GLIS3: variants seen among roughly 807,000 people sequenced by gnomAD.
GLIS3 encodes the protein GLIS family zinc finger 3.
A neutral mutation model predicts 78.6 loss-of-function variants in GLIS3; 53 were observed. The observed-to-expected ratio is 0.67, with a 90% CI of 0.54 to 0.85. GLIS3 has a LOEUF of 0.85. Ranked by LOEUF, GLIS3 falls within the 40% of genes least tolerant of loss-of-function variation. The probability of loss-of-function intolerance (pLI) is 0.00; values close to 1 mark genes in which losing one functional copy is unlikely to be tolerated. For missense variants in GLIS3, 1,703 were observed against 1,231.1 expected, an observed-to-expected ratio of 1.38 and a Z score of -5.74; for synonymous variants, 684 against 509.9, an observed-to-expected ratio of 1.34 and a Z score of -4.60.
chr9:4,209,334 G>A (rs56373513), intron 2 of GLIS3, among the ~76,000 whole-genome samples: 25,551 of 152,124 alleles, frequency 0.17, 2,661 homozygotes, highest in African/African-American at 0.29. Context: ...TTGATGCATA[G>A]GGTATCTGGG....
chr9:4,243,622 A>G (rs1823532048), intron 2 of GLIS3, among the ~76,000 whole-genome samples: 1 of 152,216 alleles, frequency 6.6e-6, no homozygotes. Context: ...AGAAAGATTT[A>G]ATAGCCATTT....
At chr9:4,236,986 G>T (rs1024275570) in intron 2 of GLIS3, among the ~76,000 whole-genome samples, 1 of 151,876 alleles carries the variant, frequency 6.6e-6, no homozygotes, top group Non-Finnish European at 1.5e-5. Context: ...CTAAATCTAG[G>T]GAATCCTTCA....
chr9:3,896,512 A>T (rs1458854589), intron 7 of GLIS3, among the ~76,000 whole-genome samples: 1 of 151,500 alleles, frequency 6.6e-6, no homozygotes, highest in Non-Finnish European at 1.5e-5. Flanking sequence ...TAAAAATACA[A>T]AAAACTACCC....
chr9:4,072,672 TTTTAA>T (rs1245349334), intron 4 of GLIS3, among the ~76,000 whole-genome samples: 1 of 152,180 alleles, frequency 6.6e-6, no homozygotes, highest in Non-Finnish European at 1.5e-5. Flanking sequence ...ATGAACTTTT[TTTTAA>T]TGACATCCTG....
At chr9:4,464,709 A>G in the GLIS3 span, among the ~76,000 whole-genome samples, 1 of 152,202 alleles carries the variant, frequency 6.6e-6, no homozygotes, top group Non-Finnish European at 1.5e-5. Flanking sequence ...ATTTTCTTTG[A>G]AAAGGCATTA....
At chr9:4,359,223 C>T in the GLIS3 span, among the ~76,000 whole-genome samples, 9 of 152,224 alleles carry the variant, frequency 5.9e-5, no homozygotes, top group Middle Eastern at 3.4e-3. Context: ...CCGAGATGAG[C>T]GCGTGTGAAT....
rs200576222 is a variant in GLIS3, at chr9:4,063,559, T to TA, written c.1710+54208dup. On this transcript the variant is annotated intron_variant, in intron 4 of 10. Transcript: ENST00000381971. The stretch of plus-strand genomic sequence containing the variant: ...GTAAGAGCCATGCAAGTTCATGATT[T>TA]AAAAAAAAAAAAATGGTGTTGTATT... Among the ~76,000 whole-genome samples, 444 of 144,248 alleles carry TA rather than the reference T, an allele frequency of 3.1e-3. 2 individuals carry two copies. The highest frequency in any genetic ancestry group is 5.6e-3 in the African/African-American group (221 of 39,552). 94.6% of individuals were successfully genotyped at this position (144,248 alleles called of 152,430 possible).
intron 2 of GLIS3, among the ~76,000 whole-genome samples, chr9:4,311,871 A>C (rs1563929084): frequency 6.6e-6 from 1 of 152,228 alleles, no homozygotes; most frequent in Non-Finnish European, 1.5e-5. Flanking sequence ...TACTTAAATG[A>C]TCAAGAAAAC....
At chr9:3,907,615 C>CACACAG (rs1430866483) in intron 6 of GLIS3, among the ~76,000 whole-genome samples, 2 of 82,324 alleles carry the variant, frequency 2.4e-5, no homozygotes, top group African/African-American at 7.4e-5. Flanking sequence ...AACACACACA[C>CACACAG]ACACACACAG....
chr9:4,074,542 G>C (rs925777945), intron 4 of GLIS3, among the ~76,000 whole-genome samples: 1 of 152,108 alleles, frequency 6.6e-6, no homozygotes, highest in African/African-American at 2.4e-5. Context: ...CAGATATAAA[G>C]ATTCTACCCA....
At chr9:3,834,831 C>G (rs1417256711) in intron 9 of GLIS3, among the ~76,000 whole-genome samples, 1 of 152,178 alleles carries the variant, frequency 6.6e-6, no homozygotes, top group African/African-American at 2.4e-5. Flanking sequence ...ATGTTTTAGG[C>G]TAAACTGCCA....
At chr9:4,481,772 G>A in the GLIS3 span, among the ~76,000 whole-genome samples, 2 of 152,128 alleles carry the variant, frequency 1.3e-5, no homozygotes, top group Admixed American at 6.6e-5. Flanking sequence ...GTTTCTAGAG[G>A]TAGAGTGTTT....
Position 4,048,435 on chromosome 9 carries a change from T to C in GLIS3, c.1710+69333A>G, listed in dbSNP as rs1825431807. Among the ~76,000 whole-genome samples, 3 of 152,142 alleles carry C rather than the reference T, an allele frequency of 2.0e-5. 1 individual carries two copies. Among genetic ancestry groups the C allele is most frequent in the South Asian group, 2.1e-4 (1 of 4,828 alleles). ...GCTGATATTATATGGGGCTATCATA[T>C]AGCCATGCCATGGCTCAGTATGTGC... On this transcript the variant is annotated intron_variant, in intron 4 of 10. Transcript: ENST00000381971.
At chr9:4,311,576 G>A (rs1030418521) in intron 2 of GLIS3, among the ~76,000 whole-genome samples, 2 of 152,016 alleles carry the variant, frequency 1.3e-5, no homozygotes, top group Non-Finnish European at 2.9e-5. Context: ...TCCCTCCCAA[G>A]CCAGAATAAC....
chr9:3,868,326 C>G (rs1213532092), intron 8 of GLIS3, among the ~76,000 whole-genome samples: 1 of 152,116 alleles, frequency 6.6e-6, no homozygotes, highest in Non-Finnish European at 1.5e-5. Flanking sequence ...GATTAGCTCT[C>G]TAATTTTCAG....
intron 4 of GLIS3, among the ~76,000 whole-genome samples, chr9:3,984,481 C>T (rs373117942): frequency 6.6e-6 from 1 of 152,220 alleles, no homozygotes; most frequent in Non-Finnish European, 1.5e-5. Context: ...CGGCCAATTT[C>T]TCCCATTTGG....
the GLIS3 span, among the ~76,000 whole-genome samples, chr9:4,433,951 C>T: frequency 6.6e-6 from 1 of 152,140 alleles, no homozygotes. Flanking sequence ...AAAAAATTAG[C>T]TGGGCGTGGT....
In GLIS3 at chr9:3,866,704, T is replaced by C. The variant is rs573135275; in HGVS notation, c.2298-10520A>G. 5.3e-3 allele frequency among the ~76,000 whole-genome samples: 813 copies of C among 152,234 alleles called. 8 individuals carry two copies. Among genetic ancestry groups the C allele is most frequent in the Middle Eastern group, 0.01 (3 of 294 alleles). On this transcript the variant is annotated intron_variant, in intron 8 of 10. Coordinates refer to ENST00000381971, the MANE Select transcript of GLIS3 (RefSeq NM_001042413.2). ...ACAGATTAAACAAGGGAATTGACGA[T>C]AGGTGAATTTAGCAGAGGCCGTACC...
At chr9:4,070,478 C>T (rs1827495303) in intron 4 of GLIS3, among the ~76,000 whole-genome samples, 1 of 152,082 alleles carries the variant, frequency 6.6e-6, no homozygotes, top group African/African-American at 2.4e-5. Flanking sequence ...GTGGTGGTTA[C>T]TCTGTGTGTG....
Sources: allele counts gnomAD v4.1 joint callset (sites outside exome capture counted in the v4.1 genomes callset), GRCh38; gene constraint gnomAD v4.1.1; transcripts MANE v1.5; gene names NCBI Gene and HGNC (gene_info 2026-07-23, HGNC 2026-07-21).